The following NRDE2 variants were observed in gnomAD, a reference collection of about 807,000 sequenced individuals.
NRDE2 encodes the protein NRDE-2, necessary for RNA interference, domain containing.
A neutral mutation model predicts 124.2 loss-of-function variants in NRDE2; 76 were observed. The ratio of observed to expected loss-of-function variants is 0.61; its 90% confidence interval spans 0.51 to 0.74. NRDE2 has a LOEUF of 0.74. NRDE2 is among the 30% of genes least tolerant of loss of function. The pLI, the probability that NRDE2 is intolerant of heterozygous loss-of-function variation, is 0.00. For synonymous variants in NRDE2, 489 were observed against 528.1 expected, an observed-to-expected ratio of 0.93 and a Z score of 1.01; for missense variants, 1,314 against 1,417.3, an observed-to-expected ratio of 0.93 and a Z score of 1.17.
chr14:90,315,901 G>A lies in NRDE2; in HGVS notation c.407+677C>T, dbSNP rs1285715737. Reference sequence around the variant, plus strand: ...GAACCCAGGAGGTAAAGGTTGTGGTGAGCTGAGATCGCACCACTGCACTCC... The same window carrying A: ...GAACCCAGGAGGTAAAGGTTGTGGTAAGCTGAGATCGCACCACTGCACTCC... On this transcript the variant is annotated intron_variant, in intron 3 of 13. Transcript: ENST00000354366. Among the ~76,000 whole-genome samples the A allele has an allele frequency of 9.0e-5, 13 of 145,164 alleles. No homozygotes were observed. The Admixed American group carries it at 9.3e-4, about 10-fold the overall frequency.
rs769127117 is a variant in NRDE2 at position 90,272,314 on chromosome 14, T to C, written c.*6022A>G. On this transcript the variant is annotated 3_prime_UTR_variant, in exon 14 of 14. Coordinates refer to ENST00000354366, the MANE Select transcript of NRDE2 (RefSeq NM_017970.4). The surrounding 1 kb of genome is among the most constrained non-coding windows in gnomAD (Gnocchi z 4.5). ...CTGGTCTGATGGCCTTAAGAGAACG[T>C]AGAATGAAAGTAACAAATGAAGACT... is the stretch of plus-strand genomic sequence containing the variant. 2 of 1,603,452 alleles carry C rather than the reference T, an allele frequency of 1.2e-6. No homozygotes were observed. The highest frequency in any genetic ancestry group is 4.5e-5 in the East Asian group (2 of 44,828).
At chr14:90,323,789 A>G (rs1423367275) in intron 1 of NRDE2, among the ~76,000 whole-genome samples, 1 of 152,240 alleles carries the variant, frequency 6.6e-6, no homozygotes, top group Non-Finnish European at 1.5e-5. Flanking sequence ...AGCATGGCTT[A>G]TAACACAAGC....
At chr14:90,318,490 C>T (rs983547277) in intron 1 of NRDE2, among the ~76,000 whole-genome samples, 2 of 152,160 alleles carry the variant, frequency 1.3e-5, no homozygotes, top group East Asian at 1.9e-4. Flanking sequence ...TTGATTCAGA[C>T]AATTCCTAAA....
chr14:90,301,621 G>A (rs74740432), intron 6 of NRDE2, among the ~76,000 whole-genome samples: 3,606 of 152,174 alleles, frequency 0.024, 58 homozygotes, highest in African/African-American at 0.05. Flanking sequence ...ACTATATATA[G>A]TACATAAAAA....
intron 9 of NRDE2, among the ~76,000 whole-genome samples, chr14:90,291,184 T>A (rs1303901681): frequency 6.6e-6 from 1 of 152,172 alleles, no homozygotes; most frequent in Admixed American, 6.5e-5. Flanking sequence ...ACACTAACTG[T>A]AAATGTCTAC....
intron 1 of NRDE2, among the ~76,000 whole-genome samples, chr14:90,321,729 G>T (rs902419055): frequency 5.9e-5 from 9 of 152,108 alleles, no homozygotes; most frequent in African/African-American, 1.9e-4. Context: ...TATTAGCAGT[G>T]CACATGCAGG....
Position 90,304,300 on chromosome 14 carries a change from T to G in NRDE2, c.640A>C (p.Lys214Gln), listed in dbSNP as rs776760025. 5 of 1,614,164 alleles carry G rather than the reference T, an allele frequency of 3.1e-6. No homozygotes were observed. In the East Asian group the frequency reaches 8.9e-5, roughly 29 times the overall value. Residue 214 changes from lysine to glutamine, a missense_variant, in exon 5 of 14, where the codon AAG becomes CAG. By Grantham distance (53) the Lys-to-Gln change is moderately conservative (BLOSUM62 1). Transcript: ENST00000354366. Reference sequence around the variant, plus strand: ...CGTTCAACCTGCTTGCGTGAATGCTTCTTCTCTGTGGAAGTCCCTTCCCAA... The same window carrying G: ...CGTTCAACCTGCTTGCGTGAATGCTGCTTCTCTGTGGAAGTCCCTTCCCAA... ...ISWEGTSTEKKHSRKQVERYF... is the reference protein window; with the variant it reads ...ISWEGTSTEKQHSRKQVERYF...
At position 90,272,146 on chromosome 14, in the gene NRDE2, G is replaced by A. The variant is rs1454622583; in HGVS notation, c.*6190C>T. On this transcript the variant is annotated 3_prime_UTR_variant, in exon 14 of 14. Transcript: ENST00000354366. This position sits in a 1 kb window ranked among gnomAD's most constrained non-coding sequence, Gnocchi z 4.5. ...TGACCTTAGGCGATCCACCTGCCTCGGCCTCCCAGAGTGCTGGGATTACAG... is the reference window on the plus strand; with the variant it reads ...TGACCTTAGGCGATCCACCTGCCTCAGCCTCCCAGAGTGCTGGGATTACAG... 1.2e-5 allele frequency: 12 copies of A among 1,000,582 alleles called. No individual in the cohort carries two copies. The highest frequency in any genetic ancestry group is 3.4e-5 in the African/African-American group (2 of 59,500). 62.0% of individuals were successfully genotyped at this position (1,000,582 alleles called of 1,614,324 possible).
rs775945289 is a variant in NRDE2, at chr14:90,316,686, C to G, written c.299G>C (p.Arg100Thr). The G allele has an allele frequency of 1.1e-5, 18 of 1,613,996 alleles. No homozygotes were observed. The East Asian group carries it at 2.9e-4, about 26-fold the overall frequency. The change falls in exon 3 of 14, where the codon AGG becomes ACG. Residue 100 changes from arginine to threonine, a missense_variant. Arg to Thr is a moderately conservative substitution (Grantham distance 71). Coordinates refer to ENST00000354366, the MANE Select transcript of NRDE2 (RefSeq NM_017970.4). ...GCTGCTACTCGACGGCCCATGCTTC[C>G]TCTTTGTTTTCTTATGATGCTGATG... is the stretch of plus-strand genomic sequence containing the variant. ...RKHQHHKKTK[R>T]KHGPSSSSRS...
intron 3 of NRDE2, among the ~76,000 whole-genome samples, chr14:90,314,968 G>A (rs538505240): frequency 3.8e-4 from 57 of 151,748 alleles, no homozygotes; most frequent in African/African-American, 1.3e-3. Flanking sequence ...TCAGGAGATC[G>A]GAGATCGAGA....
chr14:90,290,661 T>C, intron 9 of NRDE2, 54 bp from the exon 10 acceptor site: 1 of 1,538,114 alleles, frequency 6.5e-7, no homozygotes, highest in Non-Finnish European at 8.7e-7. Flanking sequence ...ACCCGCACAT[T>C]TGTCACAATT....
chr14:90,270,654 G>A lies in NRDE2; in HGVS notation c.*7682C>T, dbSNP rs1008737557. 4.0e-6 allele frequency: 1 copy of A among 247,856 alleles called. No individual in the cohort carries two copies. The highest frequency in any genetic ancestry group is 7.7e-6 in the Non-Finnish European group (1 of 129,178). The allele number at this position is 247,856 out of a possible 1,614,324, so 15.4% of individuals were successfully genotyped here. Reference sequence around the variant, plus strand: ...TGTCAAATGTAGCTGCTCAGTCCCAGGTCAGGGGAAGGGTATGTCCTGGGA... The same window carrying A: ...TGTCAAATGTAGCTGCTCAGTCCCAAGTCAGGGGAAGGGTATGTCCTGGGA... On this transcript the variant is annotated 3_prime_UTR_variant, in exon 14 of 14. Coordinates refer to ENST00000354366, the MANE Select transcript of NRDE2 (RefSeq NM_017970.4).
chr14:90,305,224 C>T (rs1884555200), intron 4 of NRDE2, among the ~76,000 whole-genome samples: 1 of 151,926 alleles, frequency 6.6e-6, no homozygotes, highest in Non-Finnish European at 1.5e-5. Context: ...TGAGGTACCC[C>T]ACACACCAAC....
intron 12 of NRDE2, among the ~76,000 whole-genome samples, chr14:90,282,430 A>G (rs1400163372): frequency 6.6e-6 from 1 of 151,806 alleles, no homozygotes; most frequent in African/African-American, 2.4e-5. Flanking sequence ...GAGTCGTGAT[A>G]GTGCCATCGC....
intron 12 of NRDE2, among the ~76,000 whole-genome samples, chr14:90,281,984 A>G (rs1205989633): frequency 6.6e-6 from 1 of 152,226 alleles, no homozygotes; most frequent in East Asian, 1.9e-4. Flanking sequence ...GGAACAAATT[A>G]TACTAGAGGG....
intron 8 of NRDE2, among the ~76,000 whole-genome samples, chr14:90,297,889 T>G (rs1463529434): frequency 6.8e-6 from 1 of 146,550 alleles, no homozygotes; most frequent in African/African-American, 2.5e-5. Flanking sequence ...TGCAGTGAGC[T>G]GAGATCCTGC....
chr14:90,288,474 G>T lies in NRDE2; in HGVS notation c.2901C>A (p.Ser967Arg), dbSNP rs1449944698. The T allele has an allele frequency of 6.2e-7, 1 of 1,614,186 alleles. No homozygotes were observed. Among genetic ancestry groups the T allele is most frequent in the East Asian group, 2.2e-5 (1 of 44,876 alleles). Residue 967 changes from serine (S) to arginine (R), a missense_variant, in exon 11 of 14, where the codon AGC (serine) becomes AGA (arginine). By Grantham distance (110) the Ser-to-Arg change is moderately radical. Transcript: ENST00000354366. Reference sequence around the variant, plus strand: ...TCACTTTCATGTGGAATCTCAGCAGGCTCGTGTGCATCAGTGTGATGGCTT... The same window carrying T: ...TCACTTTCATGTGGAATCTCAGCAGTCTCGTGTGCATCAGTGTGATGGCTT... The part of the protein sequence containing the change: ...VLEAITLMHT[S>R]LLRFHMKVSV...
rs771584343 is a variant in NRDE2, at chr14:90,288,895, T to C, written c.2480A>G (p.Tyr827Cys). ...DSDLCELSLL[Y>C]AELEVELSPE... ...CGACAGCTCCACCTCCAGCTCAGCA[T>C]AGAGCAGACTGAGCTCACAGAGGTC... Residue 827 changes from tyrosine (Y) to cysteine (C), a missense_variant, in exon 11 of 14, where the codon TAT becomes TGT. Transcript: ENST00000354366. The C allele has an allele frequency of 1.2e-6, 2 of 1,614,180 alleles. No individual in the cohort carries two copies. Among genetic ancestry groups the C allele is most frequent in the Non-Finnish European group, 8.5e-7 (1 of 1,180,016 alleles).
At position 90,290,260 on chromosome 14, in the gene NRDE2, G is replaced by A. The variant is rs777459460; in HGVS notation, c.2190C>T (p.Ser730=). 16 of 1,614,002 alleles carry A rather than the reference G, an allele frequency of 9.9e-6. No individual in the cohort carries two copies. Among genetic ancestry groups the A allele is most frequent in the Non-Finnish European group, 1.3e-5 (15 of 1,180,020 alleles). The change falls in exon 10 of 14, where the codon TCC becomes TCT. Residue 730 remains serine (S), a synonymous_variant. Coordinates refer to ENST00000354366, the MANE Select transcript of NRDE2 (RefSeq NM_017970.4). ...VMPLFSGKEK[S]QLCFSWLQYE... ...ACTGTAACCAGGAGAAGCAGAGCTG[G>A]GACTTCTCTTTGCCTGAAAATAAAG... is the stretch of plus-strand genomic sequence containing the variant.
Sources: gnomAD v4.1 joint callset for allele counts (sites outside exome capture counted in the v4.1 genomes callset) on GRCh38, gnomAD v4.1.1 for gene constraint, Gnocchi (gnomAD v3.1) non-coding constraint, MANE v1.5 for transcripts, NCBI Gene and HGNC (gene_info 2026-07-23, HGNC 2026-07-21) for gene names.